Variants in OCM observed in about 807,000 individuals in gnomAD.
OCM encodes the protein oncomodulin, also known as oncomodulin-1.
Under a neutral mutation model 14.1 loss-of-function variants are expected in OCM, and 18 were observed. The ratio of observed to expected loss-of-function variants is 1.28; its 90% CI spans 0.88 to 1.89. The LOEUF is 1.89. OCM is among the 40% of genes most tolerant of loss of function. OCM has a pLI of 0.00. For synonymous variants in OCM, 48 were observed against 51.0 expected (o/e 0.94, Z 0.25); for missense variants, 140 against 137.6 (o/e 1.02, Z -0.09).
At chr7:5,874,659 C>G in the OCM span, among the ~76,000 whole-genome samples, 1 of 151,904 alleles carries the variant, frequency 6.6e-6, no homozygotes, top group Non-Finnish European at 1.5e-5. Flanking sequence ...TGCACGCAAC[C>G]ATGTCTGGCT....
chr7:5,874,435 CAT>C, the OCM span, among the ~76,000 whole-genome samples: 4 of 151,978 alleles, frequency 2.6e-5, no homozygotes, highest in African/African-American at 7.3e-5. Context: ...GCATATGCAA[CAT>C]ATGTCAGATG....
At chr7:5,883,868 A>G (rs781733969) in intron 2 of OCM, 22 bp from the exon 3 acceptor site, 1 of 1,612,478 alleles carries the variant, frequency 6.2e-7, no homozygotes, top group African/African-American at 1.3e-5. Flanking sequence ...GAAAATCCCC[A>G]TGGATCTTTA....
chr7:5,875,670 T>C (rs1781080705), upstream of OCM, among the ~76,000 whole-genome samples: 1 of 152,104 alleles, frequency 6.6e-6, no homozygotes, highest in Non-Finnish European at 1.5e-5. Context: ...TATCTTGGTT[T>C]AACCCATATG....
the OCM span, among the ~76,000 whole-genome samples, chr7:5,863,609 T>C: frequency 3.3e-5 from 5 of 150,176 alleles, no homozygotes; most frequent in Non-Finnish European, 7.4e-5. Context: ...CTCAGCTCAC[T>C]GCAACCTCCA....
At chr7:5,864,313 C>CTCCA in the OCM span, among the ~76,000 whole-genome samples, 1 of 149,538 alleles carries the variant, frequency 6.7e-6, no homozygotes, top group African/African-American at 2.5e-5. Context: ...CACCACTGCA[C>CTCCA]TCCAGCCTGG....
chr7:5,883,804 T>A (rs1186744116), intron 2 of OCM, 86 bp from the exon 3 acceptor site: 1 of 1,509,008 alleles, frequency 6.6e-7, no homozygotes, highest in Non-Finnish European at 9.1e-7. Context: ...TGGAAACAGG[T>A]GATATGCTTA....
At chr7:5,879,835 A>T, upstream of OCM, 1 of 151,874 alleles carries the variant, frequency 6.6e-6, no homozygotes, top group East Asian at 1.9e-4. Flanking sequence ...AAGGAAATCT[A>T]AGAGGTTGTA....
upstream of OCM, among the ~76,000 whole-genome samples, chr7:5,880,389 G>A (rs989468378): frequency 2.0e-5 from 3 of 152,032 alleles, no homozygotes; most frequent in African/African-American, 7.2e-5. Context: ...AAAGGCTGGG[G>A]TGTTTTCCGT....
chr7:5,864,904 C>T, the OCM span, among the ~76,000 whole-genome samples: 1 of 151,952 alleles, frequency 6.6e-6, no homozygotes, highest in African/African-American at 2.4e-5. Context: ...CACCATTACA[C>T]TCCAGCCTGG....
At chr7:5,864,795 G>A in the OCM span, among the ~76,000 whole-genome samples, 22 of 151,768 alleles carry the variant, frequency 1.4e-4, no homozygotes, top group Admixed American at 1.4e-3. Context: ...AAAATTAGCC[G>A]GGCGTGGTGG....
chr7:5,882,085 C>CAAAAAA (rs60321561), intron 1 of OCM, among the ~76,000 whole-genome samples: 20 of 45,970 alleles, frequency 4.4e-4, no homozygotes, highest in East Asian at 9.9e-4. Flanking sequence ...GACTCTGTCT[C>CAAAAAA]AAAAAAAAAA....
At chr7:5,880,567 T>C (rs535004156), upstream of OCM, among the ~76,000 whole-genome samples, 223 of 152,244 alleles carry the variant, frequency 1.5e-3, no homozygotes, top group Middle Eastern at 6.8e-3. Flanking sequence ...AAGACCAGCC[T>C]GGCCAACATG....
At chr7:5,877,420 A>G (rs563186085), upstream of OCM, among the ~76,000 whole-genome samples, 1 of 151,362 alleles carries the variant, frequency 6.6e-6, no homozygotes, top group South Asian at 2.1e-4. Flanking sequence ...GTGAGCCGAG[A>G]TCACACTACC....
upstream of OCM, among the ~76,000 whole-genome samples, chr7:5,877,947 A>G (rs2128606017): frequency 6.6e-6 from 1 of 150,630 alleles, no homozygotes; most frequent in East Asian, 2.0e-4. Flanking sequence ...TTACACTTAT[A>G]TGATGTCCCT....
the OCM span, among the ~76,000 whole-genome samples, chr7:5,870,532 A>T: frequency 6.6e-6 from 1 of 152,126 alleles, no homozygotes; most frequent in East Asian, 1.9e-4. Flanking sequence ...AAAATAAGCC[A>T]TTACTCCAGG....
upstream of OCM, chr7:5,880,777 A>AAT: frequency 3.1e-6 from 3 of 967,518 alleles, no homozygotes; most frequent in Non-Finnish European, 4.7e-6. Context: ...AAAAAAAATA[A>AAT]TCTAGACACA....
In OCM at chr7:5,883,936, T is replaced by G. The variant is rs1781279318; in HGVS notation, c.241T>G (p.Ser81Ala). 1 of 1,613,184 alleles carries G rather than the reference T, an allele frequency of 6.2e-7. No homozygotes were observed. The change falls in exon 3 of 4, where the codon TCA becomes GCA. Residue 81 changes from serine to alanine, a missense_variant. Transcript: ENST00000242104. ...GAGTGGTGCCAGAGAACTGACCGAG[T>G]CAGAAACCAAGTCCTTGATGGCTGC... is the stretch of plus-strand genomic sequence containing the variant. ...FESGARELTE[S>A]ETKSLMAAAD...
chr7:5,872,370 A>G, the OCM span, among the ~76,000 whole-genome samples: 1 of 152,008 alleles, frequency 6.6e-6, no homozygotes, highest in Admixed American at 6.6e-5. Flanking sequence ...CTTGTCCCAA[A>G]CCCCTGTGTG....
At chr7:5,871,535 T>G in the OCM span, among the ~76,000 whole-genome samples, 1 of 152,046 alleles carries the variant, frequency 6.6e-6, no homozygotes, top group East Asian at 1.9e-4. Context: ...ATTTCAGAGT[T>G]GTTGCCATGG....
Sources: allele counts gnomAD v4.1 joint callset (sites outside exome capture counted in the v4.1 genomes callset), GRCh38; gene constraint gnomAD v4.1.1; transcripts MANE v1.5; gene names NCBI Gene and HGNC (gene_info 2026-07-23, HGNC 2026-07-21).